Variants in RBM39 observed in about 807,000 individuals in gnomAD.
RBM39 encodes RNA-binding protein 39.
A neutral mutation model predicts 79.6 loss-of-function variants in RBM39; 12 were observed. The observed-to-expected ratio is 0.15, with a 90% CI of 0.10 to 0.24. The LOEUF is 0.24. Ranked by LOEUF, RBM39 falls within the 10% of genes least tolerant of loss-of-function variation. The pLI, the probability that RBM39 is intolerant of heterozygous loss-of-function variation, is 1.00. For missense variants in RBM39, 243 were observed against 653.4 expected, an observed-to-expected ratio of 0.37 and a Z score of 6.85; for synonymous variants, 185 against 208.4, an observed-to-expected ratio of 0.89 and a Z score of 0.97.
intron 7 of RBM39, 56 bp downstream of exon 7, chr20:35,724,981 AC>A (rs2146629923): frequency 1.6e-6 from 2 of 1,228,850 alleles, no homozygotes; most frequent in Admixed American, 2.0e-5. Context: ...TTTGATGTTT[AC>A]ATGTTTTCTC....
intron 9 of RBM39, among the ~76,000 whole-genome samples, chr20:35,717,991 TG>T (rs202146524): frequency 0.014 from 2,109 of 152,164 alleles, 47 homozygotes; most frequent in African/African-American, 0.048. Context: ...CCCAAGTAGC[TG>T]GGACTACAGG....
At chr20:35,732,284 A>C in intron 3 of RBM39, 149 bp from the exon 4 acceptor site, 1 of 691,896 alleles carries the variant, frequency 1.4e-6, no homozygotes, top group Non-Finnish European at 2.4e-6. Context: ...CATACTTAAA[A>C]AAAAAAAAAA....
At chr20:35,733,661 C>G (rs921629193) in intron 3 of RBM39, among the ~76,000 whole-genome samples, 1 of 152,032 alleles carries the variant, frequency 6.6e-6, no homozygotes, top group African/African-American at 2.4e-5. Flanking sequence ...TTTGACATTC[C>G]TAGACTTTAA....
At chr20:35,728,447 AG>A (rs1201262748) in intron 6 of RBM39, among the ~76,000 whole-genome samples, 4 of 152,228 alleles carry the variant, frequency 2.6e-5, no homozygotes, top group African/African-American at 9.6e-5. Context: ...AAATGCAAAA[AG>A]TTTATTTTAA....
At chr20:35,709,796 T>C (rs1193885333) in intron 12 of RBM39, among the ~76,000 whole-genome samples, 1 of 152,198 alleles carries the variant, frequency 6.6e-6, no homozygotes, top group Non-Finnish European at 1.5e-5. Context: ...ACAGTATGCA[T>C]ATATTATTTT....
At chr20:35,712,960 G>T in intron 12 of RBM39, 59 bp downstream of exon 12, 2 of 1,439,530 alleles carry the variant, frequency 1.4e-6, no homozygotes, top group Non-Finnish European at 1.9e-6. Context: ...GTAAAAATTT[G>T]GAAAATTTTC....
At chr20:35,711,104 A>G (rs2036345461) in intron 12 of RBM39, among the ~76,000 whole-genome samples, 1 of 152,202 alleles carries the variant, frequency 6.6e-6, no homozygotes, top group Non-Finnish European at 1.5e-5. Flanking sequence ...GAGCAAATCA[A>G]CGTATCTGAT....
intron 6 of RBM39, among the ~76,000 whole-genome samples, chr20:35,728,747 A>G (rs1031491386): frequency 6.6e-6 from 1 of 152,138 alleles, no homozygotes; most frequent in Admixed American, 6.6e-5. Context: ...ACTGCACTCC[A>G]GCCTGGGTGA....
chr20:35,720,675 G>A (rs1600490740), intron 9 of RBM39, among the ~76,000 whole-genome samples: 1 of 152,160 alleles, frequency 6.6e-6, no homozygotes, highest in East Asian at 1.9e-4. Context: ...GAAGGCTAAA[G>A]CAAGAGAATC....
chr20:35,729,523 C>G lies in RBM39; in HGVS notation c.301G>C (p.Gly101Arg), dbSNP rs761337500. ...CGGATGGCACTGTTAAATTTTGGTC[C>G]GGAGCTAAAAAGGAAACACAAAATT... ...FRGRYRSPYS[G>R]PKFNSAIRGK... Residue 101 changes from glycine (G) to arginine (R), a missense_variant, in exon 5 of 17, where the codon GGA becomes CGA. Gly to Arg is a moderately radical substitution (Grantham distance 125). Around this residue, in one of 4 missense-constraint regions of RBM39, gnomAD observed 115 missense variants for 184.1 expected, o/e 0.62. Coordinates refer to ENST00000253363, the MANE Select transcript of RBM39 (RefSeq NM_184234.3). The G allele has an allele frequency of 6.2e-7, 1 of 1,613,612 alleles. No individual in the cohort carries two copies. The highest frequency in any genetic ancestry group is 1.1e-5 in the South Asian group (1 of 90,992).
intron 13 of RBM39, 101 bp from the exon 14 acceptor site, chr20:35,707,302 C>CTAGG (rs2035862423): frequency 1.6e-6 from 1 of 624,612 alleles, no homozygotes; most frequent in African/African-American, 1.9e-5. Context: ...AAGCATGTAA[C>CTAGG]TAGGATGTCA....
chr20:35,715,953 G>C (rs1323719097), intron 10 of RBM39, among the ~76,000 whole-genome samples: 1 of 152,206 alleles, frequency 6.6e-6, no homozygotes, highest in Non-Finnish European at 1.5e-5. Context: ...CGAAGCACAA[G>C]TAACAGCTTC....
chr20:35,706,270 T>C (rs970832496), intron 14 of RBM39, among the ~76,000 whole-genome samples: 1 of 152,182 alleles, frequency 6.6e-6, no homozygotes, highest in African/African-American at 2.4e-5. Context: ...AGATGGAGGT[T>C]GCAGTGAGCT....
intron 12 of RBM39, 100 bp from the exon 13 acceptor site, chr20:35,709,374 T>C (rs2036126573): frequency 2.0e-6 from 2 of 1,007,700 alleles, no homozygotes; most frequent in Admixed American, 2.7e-5. Context: ...TTCATTCAAA[T>C]GCACTTAGTA....
intron 6 of RBM39, among the ~76,000 whole-genome samples, chr20:35,726,988 CT>C (rs1467334605): frequency 2.7e-5 from 4 of 145,512 alleles, no homozygotes; most frequent in Non-Finnish European, 6.0e-5. Context: ...CTACATCCGG[CT>C]AATTTTTGTA....
chr20:35,705,494 T>A (rs1350137573), intron 14 of RBM39, 164 bp from the exon 15 acceptor site: 2 of 526,714 alleles, frequency 3.8e-6, no homozygotes, highest in African/African-American at 4.1e-5. Context: ...CAGTCTGGTA[T>A]TGAAAAATAA....
At chr20:35,729,978 G>A (rs1262796523) in intron 4 of RBM39, among the ~76,000 whole-genome samples, 1 of 152,022 alleles carries the variant, frequency 6.6e-6, no homozygotes, top group Non-Finnish European at 1.5e-5. Context: ...GTGTGTACAT[G>A]TACATATACA....
chr20:35,716,638 A>G (rs1355945071), intron 10 of RBM39, 102 bp downstream of exon 10: 1 of 740,784 alleles, frequency 1.3e-6, no homozygotes, highest in East Asian at 2.8e-5. Flanking sequence ...CTAAGGTGGG[A>G]CATCATTTAA....
At chr20:35,705,927 C>A (rs185444115) in intron 14 of RBM39, among the ~76,000 whole-genome samples, 247 of 152,204 alleles carry the variant, frequency 1.6e-3, no homozygotes, top group Middle Eastern at 3.4e-3. Flanking sequence ...ATGGGCCAGG[C>A]GCAGCAGCTC....
Sources: allele counts gnomAD v4.1 joint callset (sites outside exome capture counted in the v4.1 genomes callset), GRCh38; gene constraint gnomAD v4.1.1; regional missense constraint gnomAD v4.1.1; transcripts MANE v1.5; gene names NCBI Gene and HGNC (gene_info 2026-07-23, HGNC 2026-07-21).